NOS1AP: variants seen among roughly 807,000 people sequenced by gnomAD.
NOS1AP encodes the protein carboxyl-terminal PDZ ligand of neuronal nitric oxide synthase protein.
In NOS1AP, 21 loss-of-function variants were observed where a neutral mutation model predicts 56.2. The observed-to-expected ratio is 0.37, with a 90% CI of 0.26 to 0.54. The LOEUF is 0.54. Ranked by LOEUF, NOS1AP falls within the 20% of genes least tolerant of loss-of-function variation. NOS1AP has a pLI of 0.84. For synonymous variants in NOS1AP, 270 were observed against 274.6 expected, an observed-to-expected ratio of 0.98 and a Z score of 0.17; for missense variants, 522 against 657.8, an observed-to-expected ratio of 0.79 and a Z score of 2.26.
At chr1:162,165,515 G>A (rs950435191) in intron 2 of NOS1AP, among the ~76,000 whole-genome samples, 1 of 152,166 alleles carries the variant, frequency 6.6e-6, no homozygotes, top group African/African-American at 2.4e-5. Flanking sequence ...TCCAGATGAG[G>A]AAACTGAGGT....
intron 1 of NOS1AP, among the ~76,000 whole-genome samples, chr1:162,111,578 G>A (rs940808835): frequency 1.3e-5 from 2 of 152,192 alleles, no homozygotes; most frequent in East Asian, 1.9e-4. Context: ...TGGCTTGATG[G>A]CATGTGTGAA....
At chr1:162,081,774 A>ATATATCTTTTTTTTTTTTTTTTTTTTTTT in intron 1 of NOS1AP, among the ~76,000 whole-genome samples, 1 of 44,060 alleles carries the variant, frequency 2.3e-5, no homozygotes, top group African/African-American at 7.7e-5. Flanking sequence ...ATATATATAT[A>ATATATCTTTTTTTTTTTTTTTTTTTTTTT]TTTTTTTTTT....
chr1:162,207,814 G>A (rs1467983491), intron 2 of NOS1AP, among the ~76,000 whole-genome samples: 1 of 152,164 alleles, frequency 6.6e-6, no homozygotes, highest in Admixed American at 6.5e-5. Context: ...AACTGCTTGT[G>A]ATTGTGAATG....
At chr1:162,255,773 A>G (rs915443610) in intron 2 of NOS1AP, among the ~76,000 whole-genome samples, 3 of 152,092 alleles carry the variant, frequency 2.0e-5, no homozygotes, top group Admixed American at 6.5e-5. Context: ...GCAGGGGTGG[A>G]AAAAAACTAT....
intron 2 of NOS1AP, among the ~76,000 whole-genome samples, chr1:162,191,645 G>A (rs1426109482): frequency 1.3e-5 from 2 of 152,106 alleles, no homozygotes; most frequent in Non-Finnish European, 2.9e-5. Flanking sequence ...TAGATAGCTG[G>A]CTACATTCTC....
At chr1:162,193,813 C>T (rs1329816415) in intron 2 of NOS1AP, among the ~76,000 whole-genome samples, 1 of 152,180 alleles carries the variant, frequency 6.6e-6, no homozygotes, top group Non-Finnish European at 1.5e-5. Flanking sequence ...TTTCTCACCC[C>T]TTCCTCTCAG....
intron 2 of NOS1AP, among the ~76,000 whole-genome samples, chr1:162,216,344 A>G (rs774606519): frequency 9.9e-5 from 15 of 152,222 alleles, no homozygotes; most frequent in Non-Finnish European, 1.9e-4. Flanking sequence ...AGGTTGTATT[A>G]GGATCCATGC....
intron 1 of NOS1AP, among the ~76,000 whole-genome samples, chr1:162,092,407 C>A (rs186939378): frequency 3.7e-4 from 56 of 152,286 alleles, no homozygotes; most frequent in African/African-American, 1.3e-3. Context: ...GGCCTGGCTT[C>A]GTCAGTCCTG....
chr1:162,318,068 G>A (rs1656289634), intron 4 of NOS1AP, among the ~76,000 whole-genome samples: 1 of 152,106 alleles, frequency 6.6e-6, no homozygotes, highest in Admixed American at 6.5e-5. Flanking sequence ...GTGCTGTCTC[G>A]GACCCCAGGC....
At chr1:162,297,913 C>T (rs1338427178) in intron 3 of NOS1AP, among the ~76,000 whole-genome samples, 1 of 152,090 alleles carries the variant, frequency 6.6e-6, no homozygotes, top group Non-Finnish European at 1.5e-5. Flanking sequence ...TTGTGAATTC[C>T]CTGGGTTTCT....
At chr1:162,268,308 G>C (rs1402801032) in intron 2 of NOS1AP, among the ~76,000 whole-genome samples, 2 of 8,940 alleles carry the variant, frequency 2.2e-4, no homozygotes, top group African/African-American at 1.1e-3. Flanking sequence ...GTGTGGCCCT[G>C]TAGCTCCCCC....
intron 2 of NOS1AP, among the ~76,000 whole-genome samples, chr1:162,224,835 T>G (rs911178569): frequency 6.6e-6 from 1 of 152,172 alleles, no homozygotes; most frequent in Non-Finnish European, 1.5e-5. Flanking sequence ...GTTTCCAGGA[T>G]GAGACCCCAT....
At chr1:162,320,410 A>G (rs1656373838) in intron 4 of NOS1AP, among the ~76,000 whole-genome samples, 1 of 152,194 alleles carries the variant, frequency 6.6e-6, no homozygotes, top group Non-Finnish European at 1.5e-5. Flanking sequence ...GATTTTGCCT[A>G]ATGCCTCTCT....
At chr1:162,091,407 G>A (rs1307241354) in intron 1 of NOS1AP, among the ~76,000 whole-genome samples, 1 of 152,082 alleles carries the variant, frequency 6.6e-6, no homozygotes, top group Non-Finnish European at 1.5e-5. Flanking sequence ...CTGGCTATTG[G>A]TGATTTGTCT....
intron 1 of NOS1AP, among the ~76,000 whole-genome samples, chr1:162,132,948 A>G (rs1648815502): frequency 6.6e-6 from 1 of 152,178 alleles, no homozygotes; most frequent in African/African-American, 2.4e-5. Flanking sequence ...TCAGAGCTAT[A>G]CACTTACTTG....
Position 162,092,877 on chromosome 1 carries a change from C to T in NOS1AP, c.105+22595C>T, listed in dbSNP as rs574026307. Among the ~76,000 whole-genome samples the T allele has an allele frequency of 3.1e-4, 47 of 152,246 alleles. No individual in the cohort carries two copies. In the Middle Eastern group the frequency reaches 0.017, roughly 55 times the overall value. ...CTTTAGTACCATAAATGAGGGGATA[C>T]GAGAAAAATGGCTCCTTTAAGCGGC... On this transcript the variant is annotated intron_variant, in intron 1 of 9. Coordinates refer to ENST00000361897, the MANE Select transcript of NOS1AP (RefSeq NM_014697.3).
chr1:162,239,504 A>C (rs1052503970), intron 2 of NOS1AP, among the ~76,000 whole-genome samples: 4 of 152,230 alleles, frequency 2.6e-5, no homozygotes, highest in African/African-American at 4.8e-5. Context: ...GATCCTGTGA[A>C]GACTGAGAGT....
chr1:162,287,199 C>G, intron 2 of NOS1AP, 145 bp from the exon 3 acceptor site: 1 of 630,958 alleles, frequency 1.6e-6, no homozygotes, highest in Non-Finnish European at 2.8e-6. Flanking sequence ...CCTGCTTTTA[C>G]ATCCCCCGAG....
At chr1:162,105,643 G>A (rs10800303) in intron 1 of NOS1AP, among the ~76,000 whole-genome samples, 77,140 of 152,136 alleles carry the variant, frequency 0.51, 21,740 homozygotes, top group Non-Finnish European at 0.64. Context: ...GCCCAGTGAG[G>A]AGGAATGGAT....
Sources: gnomAD v4.1 joint callset for allele counts (sites outside exome capture counted in the v4.1 genomes callset) on GRCh38, gnomAD v4.1.1 for gene constraint, MANE v1.5 for transcripts, NCBI Gene and HGNC (gene_info 2026-07-23, HGNC 2026-07-21) for gene names.